Variants in EAF2 observed in about 807,000 individuals in gnomAD.
The protein encoded by EAF2 is ELL-associated factor 2.
A neutral mutation model predicts 29.4 loss-of-function variants in EAF2; 29 were observed. The ratio of observed to expected loss-of-function variants is 0.99; its 90% CI spans 0.73 to 1.35. The LOEUF (loss-of-function observed/expected upper bound fraction) is 1.35, where lower values mean the gene tolerates loss of function less well. Among genes scored for constraint, EAF2 ranks in the 40% most tolerant of loss-of-function variants. EAF2 has a pLI of 0.00. For missense variants in EAF2, 292 were observed against 312.0 expected (o/e 0.94, Z 0.48); for synonymous variants, 103 against 102.5 (o/e 1.00, Z -0.03).
chr3:121,860,937 T>A (rs1450853106), intron 4 of EAF2, among the ~76,000 whole-genome samples: 2 of 152,230 alleles, frequency 1.3e-5, no homozygotes, highest in Non-Finnish European at 2.9e-5. Flanking sequence ...TACCCAGTAG[T>A]CATTCAGGAG....
At chr3:121,847,141 G>T (rs766377407) in intron 2 of EAF2, among the ~76,000 whole-genome samples, 1 of 152,166 alleles carries the variant, frequency 6.6e-6, no homozygotes, top group Non-Finnish European at 1.5e-5. Context: ...CTGCCACTGG[G>T]AATACAGAAG....
At chr3:121,851,661 C>T (rs1708633552) in intron 2 of EAF2, among the ~76,000 whole-genome samples, 1 of 152,142 alleles carries the variant, frequency 6.6e-6, no homozygotes, top group Admixed American at 6.5e-5. Flanking sequence ...ATGGCTTTAT[C>T]TGAATACACA....
chr3:121,841,870 G>A (rs772136037), intron 1 of EAF2, among the ~76,000 whole-genome samples: 8 of 152,086 alleles, frequency 5.3e-5, no homozygotes, highest in Non-Finnish European at 8.8e-5. Context: ...GCCGGATATG[G>A]TGGTGCACGC....
At chr3:121,880,968 C>T (rs937801135) in intron 5 of EAF2, among the ~76,000 whole-genome samples, 1 of 152,158 alleles carries the variant, frequency 6.6e-6, no homozygotes, top group Non-Finnish European at 1.5e-5. Context: ...GCTTTTTCTG[C>T]ATCTATTGAG....
At chr3:121,857,178 C>T (rs763757868) in intron 4 of EAF2, 22 bp downstream of exon 4, 2 of 1,593,602 alleles carry the variant, frequency 1.3e-6, no homozygotes, top group Admixed American at 1.7e-5. Context: ...GTATATGTAA[C>T]ATCCCTTTAT....
intron 2 of EAF2, among the ~76,000 whole-genome samples, chr3:121,846,970 A>G (rs1708540266): frequency 1.3e-5 from 2 of 152,178 alleles, no homozygotes; most frequent in Non-Finnish European, 2.9e-5. Context: ...TGAATTGTAA[A>G]TTTCAGAAAT....
chr3:121,846,341 G>A (rs890569044), intron 2 of EAF2, among the ~76,000 whole-genome samples: 5 of 152,100 alleles, frequency 3.3e-5, no homozygotes. Flanking sequence ...TGGAACTGAA[G>A]GAAATGAAAA....
chr3:121,855,384 T>C lies in EAF2; in HGVS notation c.338+561T>C, dbSNP rs146331939. Among the ~76,000 whole-genome samples the C allele has an allele frequency of 4.8e-3, 724 of 152,304 alleles. 6 individuals are homozygous for C. The highest frequency in any genetic ancestry group is 0.024 in the Middle Eastern group (7 of 294). ...CAAATAGTATAGACAAAAATTGCTC[T>C]AGGAATTAAGAAAAAGGAGAAGTAA... On this transcript the variant is annotated intron_variant, in intron 3 of 5. Transcript: ENST00000273668.
At chr3:121,859,257 G>T (rs1319331039) in intron 4 of EAF2, among the ~76,000 whole-genome samples, 1 of 152,092 alleles carries the variant, frequency 6.6e-6, no homozygotes, top group Non-Finnish European at 1.5e-5. Flanking sequence ...AAATTACCTT[G>T]GACAGTATGG....
chr3:121,845,410 C>G (rs948954481), intron 2 of EAF2, among the ~76,000 whole-genome samples: 10 of 122,908 alleles, frequency 8.1e-5, no homozygotes, highest in African/African-American at 3.2e-4. Context: ...TGCACTCCAG[C>G]CTGGGCGATA....
chr3:121,845,078 G>A (rs1385444598), intron 2 of EAF2, among the ~76,000 whole-genome samples: 2 of 152,184 alleles, frequency 1.3e-5, no homozygotes, highest in Admixed American at 6.5e-5. Context: ...AACAGTATGT[G>A]AAAAGCTCTG....
chr3:121,875,301 A>G (rs982686408), intron 5 of EAF2, among the ~76,000 whole-genome samples: 1 of 151,904 alleles, frequency 6.6e-6, no homozygotes, highest in African/African-American at 2.4e-5. Flanking sequence ...TTACATATTG[A>G]CTGAGGCTAC....
At chr3:121,862,886 C>G (rs2107528147) in intron 4 of EAF2, among the ~76,000 whole-genome samples, 1 of 152,178 alleles carries the variant, frequency 6.6e-6, no homozygotes, top group East Asian at 1.9e-4. Context: ...GTGTGGATGT[C>G]CTTTCTGTTT....
At chr3:121,844,073 T>C (rs115582066) in intron 1 of EAF2, among the ~76,000 whole-genome samples, 1 of 151,920 alleles carries the variant, frequency 6.6e-6, no homozygotes, top group African/African-American at 2.4e-5. Context: ...AAAAGAAAAA[T>C]TTATTGGAAA....
intron 4 of EAF2, among the ~76,000 whole-genome samples, chr3:121,870,400 G>A (rs540018685): frequency 3.9e-5 from 6 of 152,248 alleles, no homozygotes; most frequent in Non-Finnish European, 8.8e-5. Context: ...GGAGGGTAGG[G>A]AAGATACAAG....
At chr3:121,862,699 C>T (rs1708854791) in intron 4 of EAF2, among the ~76,000 whole-genome samples, 1 of 152,194 alleles carries the variant, frequency 6.6e-6, no homozygotes, top group African/African-American at 2.4e-5. Flanking sequence ...GTTCTCTGTC[C>T]AGCTTTATTC....
At chr3:121,867,697 A>G (rs561116045) in intron 4 of EAF2, among the ~76,000 whole-genome samples, 2 of 152,346 alleles carry the variant, frequency 1.3e-5, no homozygotes, top group South Asian at 4.1e-4. Context: ...GAGTATCAGG[A>G]AGAGAGAAAC....
At chr3:121,841,410 C>T (rs1215358495) in intron 1 of EAF2, among the ~76,000 whole-genome samples, 2 of 147,940 alleles carry the variant, frequency 1.4e-5, no homozygotes, top group African/African-American at 2.5e-5. Context: ...GAGGCTGAGG[C>T]GGGAGAATCA....
At chr3:121,835,919 C>A (rs1240960362) in intron 1 of EAF2, among the ~76,000 whole-genome samples, 1 of 152,110 alleles carries the variant, frequency 6.6e-6, no homozygotes, top group Non-Finnish European at 1.5e-5. Flanking sequence ...AGATTTCACT[C>A]AGTTATCAAA....
Sources: gnomAD v4.1 joint callset for allele counts (sites outside exome capture counted in the v4.1 genomes callset) on GRCh38, gnomAD v4.1.1 for gene constraint, MANE v1.5 for transcripts, NCBI Gene and HGNC (gene_info 2026-07-23, HGNC 2026-07-21) for gene names.